NCKAP5: variants seen among roughly 807,000 people sequenced by gnomAD.
The protein encoded by NCKAP5 is NCK associated protein 5, also known as nck-associated protein 5.
A neutral mutation model predicts 167.0 loss-of-function variants in NCKAP5; 92 were observed. The observed-to-expected ratio is 0.55, with a 90% CI of 0.47 to 0.66. The LOEUF (loss-of-function observed/expected upper bound fraction) is 0.66. Ranked by LOEUF, NCKAP5 falls within the 30% of genes least tolerant of loss-of-function variation. The pLI is 0.00. For missense variants in NCKAP5, 2,378 were observed against 2,315.0 expected (o/e 1.03, Z -0.56); for synonymous variants, 891 against 877.4 (o/e 1.02, Z -0.27).
chr2:133,567,367 C>G (rs1423583060), intron 1 of NCKAP5, among the ~76,000 whole-genome samples: 1 of 152,090 alleles, frequency 6.6e-6, no homozygotes, highest in African/African-American at 2.4e-5. Context: ...CCTGTCCAGG[C>G]TGGCGGCATA....
chr2:132,805,242 T>C (rs1020968491), intron 11 of NCKAP5, among the ~76,000 whole-genome samples: 1 of 152,026 alleles, frequency 6.6e-6, no homozygotes, highest in Non-Finnish European at 1.5e-5. Context: ...GTCTTGCAAG[T>C]GAAAAAACTG....
intron 3 of NCKAP5, among the ~76,000 whole-genome samples, chr2:133,361,468 T>C (rs1173309567): frequency 6.6e-6 from 1 of 152,234 alleles, no homozygotes; most frequent in African/African-American, 2.4e-5. Flanking sequence ...CTCATTTCAG[T>C]GGCATTAAAA....
intron 6 of NCKAP5, among the ~76,000 whole-genome samples, chr2:133,014,177 C>G (rs1246445902): frequency 6.6e-6 from 1 of 152,218 alleles, no homozygotes; most frequent in African/African-American, 2.4e-5. Context: ...AAAGACTGAA[C>G]CACACAGCAA....
intron 3 of NCKAP5, among the ~76,000 whole-genome samples, chr2:133,361,555 C>A (rs1685105342): frequency 1.3e-5 from 2 of 152,168 alleles, no homozygotes; most frequent in Admixed American, 1.3e-4. Flanking sequence ...GTGTTCTTTG[C>A]ACTTTTATTT....
intron 3 of NCKAP5, among the ~76,000 whole-genome samples, chr2:133,335,476 T>C (rs1023844674): frequency 2.0e-5 from 3 of 152,154 alleles, no homozygotes; most frequent in Non-Finnish European, 4.4e-5. Context: ...CAGAGAGAGG[T>C]AGAAGTCAGC....
intron 19 of NCKAP5, among the ~76,000 whole-genome samples, chr2:132,683,712 A>T (rs892651788): frequency 6.6e-6 from 1 of 152,230 alleles, no homozygotes; most frequent in Non-Finnish European, 1.5e-5. Context: ...TCAGCCAGCA[A>T]GTGTCACCTC....
intron 3 of NCKAP5, among the ~76,000 whole-genome samples, chr2:133,323,729 TTGTC>T (rs1352015685): frequency 6.6e-6 from 1 of 152,182 alleles, no homozygotes; most frequent in Non-Finnish European, 1.5e-5. Flanking sequence ...ACCAGTGTGA[TTGTC>T]TGGGGAATCT....
chr2:133,381,229 A>G (rs1686497630), intron 3 of NCKAP5, among the ~76,000 whole-genome samples: 1 of 152,208 alleles, frequency 6.6e-6, no homozygotes, highest in African/African-American at 2.4e-5. Context: ...AATGACAGAC[A>G]TCGTCAGTCA....
chr2:132,916,635 A>G (rs1220296261), intron 8 of NCKAP5, among the ~76,000 whole-genome samples: 2 of 152,074 alleles, frequency 1.3e-5, no homozygotes, highest in Non-Finnish European at 2.9e-5. Context: ...TATTGCTTGT[A>G]AAATTAAAGT....
chr2:132,703,804 A>T (rs935863087), intron 19 of NCKAP5, among the ~76,000 whole-genome samples: 1 of 152,232 alleles, frequency 6.6e-6, no homozygotes, highest in South Asian at 2.1e-4. Flanking sequence ...AAGCTAGATG[A>T]TTAAGATCCT....
rs1019149283 is a variant in NCKAP5, at chr2:132,860,307, T to C, written c.807+185A>G. Reference sequence around the variant, plus strand: ...TTGTTAGTGCATTTCCTTATCTGCATGTAGCTTTAAAAAGTCAAGAACTTC... The same window carrying C: ...TTGTTAGTGCATTTCCTTATCTGCACGTAGCTTTAAAAAGTCAAGAACTTC... On this transcript the variant is annotated intron_variant, in intron 11 of 19. Transcript: ENST00000409261. Among the ~76,000 whole-genome samples the C allele has an allele frequency of 3.4e-4, 52 of 152,214 alleles. 1 individual carries two copies.
chr2:132,856,714 G>A (rs1387826305), intron 11 of NCKAP5, among the ~76,000 whole-genome samples: 28 of 152,214 alleles, frequency 1.8e-4, no homozygotes, highest in Admixed American at 1.8e-3. Flanking sequence ...TTTCAGAAAT[G>A]TGTAAAGATG....
intron 3 of NCKAP5, among the ~76,000 whole-genome samples, chr2:133,464,716 A>C (rs975952071): frequency 6.6e-6 from 1 of 152,198 alleles, no homozygotes; most frequent in African/African-American, 2.4e-5. Flanking sequence ...GAATAAATAA[A>C]TGTGGAAATA....
intron 9 of NCKAP5, among the ~76,000 whole-genome samples, chr2:132,878,169 C>T (rs988534317): frequency 3.8e-4 from 58 of 152,290 alleles, no homozygotes; most frequent in African/African-American, 1.2e-3. Flanking sequence ...GACGAGGGCT[C>T]TGAGCGCATG....
chr2:133,269,182 TTATTTATTGAACAATCAC>T (rs1317002556), intron 4 of NCKAP5: 1 of 152,212 alleles, frequency 6.6e-6, no homozygotes, highest in East Asian at 1.9e-4. Flanking sequence ...GTTTACTCAA[TTATTTATTGAACAATCAC>T]TATGTGTCAG....
At chr2:133,589,167 A>G in the NCKAP5 span, among the ~76,000 whole-genome samples, 1 of 152,212 alleles carries the variant, frequency 6.6e-6, no homozygotes, top group Non-Finnish European at 1.5e-5. Flanking sequence ...GACAACAGAT[A>G]GGACATTCTT....
rs532376277 is a variant in NCKAP5 at position 133,524,477 on chromosome 2, T to C, written c.-61-6890A>G. ...GTTGACTAAAGGTAGAAATATTAAATCTAGATTCCAAGTTAATGTACGTAT... is the reference window on the plus strand; with the variant it reads ...GTTGACTAAAGGTAGAAATATTAAACCTAGATTCCAAGTTAATGTACGTAT... On this transcript the variant is annotated intron_variant, in intron 2 of 19. Transcript: ENST00000409261. Among the ~76,000 whole-genome samples, 6 of 152,256 alleles carry C rather than the reference T, an allele frequency of 3.9e-5. No homozygotes were observed. In the South Asian group the frequency reaches 6.2e-4, roughly 16 times the overall value.
chr2:132,960,674 G>A (rs2149192726), intron 8 of NCKAP5, among the ~76,000 whole-genome samples: 1 of 152,264 alleles, frequency 6.6e-6, no homozygotes, highest in African/African-American at 2.4e-5. Flanking sequence ...GTGGCAGCTG[G>A]AGGGTGATTT....
chr2:133,153,535 C>T (rs937244688), intron 5 of NCKAP5, among the ~76,000 whole-genome samples: 3 of 152,106 alleles, frequency 2.0e-5, no homozygotes, highest in Non-Finnish European at 4.4e-5. Flanking sequence ...ACTTGATTCA[C>T]TCAAATCTAT....
Sources: gnomAD v4.1 joint callset for allele counts (sites outside exome capture counted in the v4.1 genomes callset) on GRCh38, gnomAD v4.1.1 for gene constraint, MANE v1.5 for transcripts, NCBI Gene and HGNC (gene_info 2026-07-23, HGNC 2026-07-21) for gene names.